The following RABGEF1 variants were observed in gnomAD, a reference collection of about 807,000 sequenced individuals.
RABGEF1 encodes the protein rab5 GDP/GTP exchange factor.
Under a neutral mutation model 57.3 loss-of-function variants are expected in RABGEF1, and 26 were observed. That is an observed-to-expected ratio of 0.45 (90% CI 0.33 to 0.63). The LOEUF is 0.63. Among genes scored for constraint, RABGEF1 ranks in the 20% least tolerant of loss-of-function variants. The probability of loss-of-function intolerance (pLI) is 0.02; values close to 1 mark genes in which losing one functional copy is unlikely to be tolerated. For missense variants in RABGEF1, 464 were observed against 607.6 expected, an observed-to-expected ratio of 0.76 and a Z score of 2.48; for synonymous variants, 185 against 210.7, an observed-to-expected ratio of 0.88 and a Z score of 1.06.
intron 1 of RABGEF1, among the ~76,000 whole-genome samples, chr7:66,683,156 T>G (rs927375119): frequency 1.3e-5 from 2 of 152,188 alleles, no homozygotes; most frequent in Admixed American, 6.5e-5. Flanking sequence ...CCTTATTATT[T>G]TTTTCGAGAT....
upstream of RABGEF1, among the ~76,000 whole-genome samples, chr7:66,679,466 G>A (rs1225332719): frequency 2.6e-5 from 4 of 152,054 alleles, no homozygotes; most frequent in Non-Finnish European, 4.4e-5. Context: ...AGGCCACCAC[G>A]CCTGGCTAAT....
At chr7:66,786,620 T>G (rs1337492979) in intron 4 of RABGEF1, among the ~76,000 whole-genome samples, 1 of 152,156 alleles carries the variant, frequency 6.6e-6, no homozygotes, top group Admixed American at 6.5e-5. Flanking sequence ...CCCAGGCTGG[T>G]CTTGAATTCC....
At chr7:66,734,453 ATTTGTATT>A (rs780469171) in intron 2 of RABGEF1, among the ~76,000 whole-genome samples, 7 of 151,840 alleles carry the variant, frequency 4.6e-5, no homozygotes, top group Non-Finnish European at 1.0e-4. Flanking sequence ...GTAAGCAATG[ATTTGTATT>A]TTTGTATTTT....
intron 5 of RABGEF1, among the ~76,000 whole-genome samples, chr7:66,795,856 G>A (rs1227230453): frequency 6.6e-6 from 1 of 152,140 alleles, no homozygotes; most frequent in Non-Finnish European, 1.5e-5. Flanking sequence ...AAACATCTTA[G>A]GGCCTGGCTC....
At chr7:66,658,533 C>CAAAAAAA in the RABGEF1 span, among the ~76,000 whole-genome samples, 4 of 75,524 alleles carry the variant, frequency 5.3e-5, no homozygotes, top group Non-Finnish European at 8.1e-5. Context: ...ACTTCGTCTC[C>CAAAAAAA]AAAAAAAAAA....
chr7:66,702,389 GTC>G (rs1554306666), intron 1 of RABGEF1, among the ~76,000 whole-genome samples: 3 of 142,202 alleles, frequency 2.1e-5, no homozygotes, highest in South Asian at 2.2e-4. Context: ...GTGTGTGTGT[GTC>G]AGCTCCTTTA....
chr7:66,773,877 G>C (rs1177527166), intron 2 of RABGEF1: 1 of 415,548 alleles, frequency 2.4e-6, no homozygotes, highest in Non-Finnish European at 4.8e-6. Flanking sequence ...TGTTGCCCAG[G>C]CTGGTCTCAA....
chr7:66,809,049 T>C lies in RABGEF1; in HGVS notation c.1241T>C (p.Leu414Ser), dbSNP rs1485143854. The change falls in exon 9 of 9, where the codon TTG becomes TCG. Residue 414 changes from leucine to serine, a missense_variant. Physicochemically the swap from Leu to Ser is moderately radical, Grantham distance 145. Coordinates refer to ENST00000284957, the MANE Select transcript of RABGEF1 (RefSeq NM_014504.3). ...GGCGTCAAGCAAATGTATAAGAACT[T>C]GGATCTCTTGTCTCAGTTGAATGAA... ...CLGVKQMYKNLDLLSQLNERQ... is the reference protein window; with the variant it reads ...CLGVKQMYKNSDLLSQLNERQ... The C allele has an allele frequency of 6.2e-7, 1 of 1,614,056 alleles. No individual in the cohort carries two copies. Among genetic ancestry groups the C allele is most frequent in the Non-Finnish European group, 8.5e-7 (1 of 1,180,046 alleles).
chr7:66,694,845 G>A lies in RABGEF1; in HGVS notation c.-873+12587G>A, dbSNP rs568324283. Among the ~76,000 whole-genome samples, 9 of 152,302 alleles carry A rather than the reference G, an allele frequency of 5.9e-5. No individual in the cohort carries two copies. In the East Asian group the frequency reaches 7.7e-4, roughly 13 times the overall value. On this transcript the variant is annotated intron_variant and NMD_transcript_variant, in intron 1 of 9. Transcript: ENST00000607882. ...CCCTTCTCTCAATGAGGGGAACAAC[G>A]GGGCTGGGGGATCAGTTAGCCCTGG...
At chr7:66,736,492 A>C (rs1339415444), upstream of RABGEF1, among the ~76,000 whole-genome samples, 1 of 152,186 alleles carries the variant, frequency 6.6e-6, no homozygotes, top group African/African-American at 2.4e-5. Flanking sequence ...AAGAGCACTA[A>C]GACAGTAAAT....
chr7:66,748,846 T>C, intron 1 of RABGEF1: 1 of 210,804 alleles, frequency 4.7e-6, no homozygotes, highest in Non-Finnish European at 1.1e-5. Flanking sequence ...TAGACCAATC[T>C]GTTTGCAAGT....
intron 5 of RABGEF1, 65 bp downstream of exon 5, chr7:66,795,657 A>G: frequency 7.1e-7 from 1 of 1,417,494 alleles, no homozygotes; most frequent in South Asian, 1.2e-5. Context: ...GTCTCTTAGC[A>G]ATTTCTTTCT....
At chr7:66,767,265 AGTGCTGGGATTATAGGT>A (rs1481598669) in intron 1 of RABGEF1, among the ~76,000 whole-genome samples, 1 of 151,238 alleles carries the variant, frequency 6.6e-6, no homozygotes, top group African/African-American at 2.4e-5. Context: ...AGCCTCCCAA[AGTGCTGGGATTATAGGT>A]GTGAGCCACT....
intron 3 of RABGEF1, among the ~76,000 whole-genome samples, chr7:66,776,482 C>T (rs1808578363): frequency 6.6e-6 from 1 of 152,148 alleles, no homozygotes; most frequent in Non-Finnish European, 1.5e-5. Context: ...TACCTGAGCT[C>T]AGGAGTTTGA....
intron 4 of RABGEF1, among the ~76,000 whole-genome samples, chr7:66,786,079 C>G (rs1186758791): frequency 1.2e-4 from 18 of 152,144 alleles, no homozygotes; most frequent in Admixed American, 1.2e-3. Context: ...CAGTATTATT[C>G]TTTCTAAAAT....
At position 66,771,941 on chromosome 7, in the gene RABGEF1, A is replaced by T; in HGVS notation, c.42A>T (p.Gln14His). 1 of 1,580,890 alleles carries T rather than the reference A, an allele frequency of 6.3e-7. No individual in the cohort carries two copies. Residue 14 changes from glutamine to histidine, a missense_variant, in exon 2 of 9, where the codon CAA (glutamine) becomes CAT (histidine). By Grantham distance (24) the Gln-to-His change is conservative. Transcript: ENST00000284957. ...AACGCCGAGGAATTCATGTGGATCA[A>T]TCGGATCTCCTGTGCAAGAAAGGAT... Reference protein sequence around the residue: ...KSERRGIHVDQSDLLCKKGCG... With the variant: ...KSERRGIHVDHSDLLCKKGCG...
At chr7:66,687,048 C>T (rs2117074826) in intron 1 of RABGEF1, among the ~76,000 whole-genome samples, 1 of 150,332 alleles carries the variant, frequency 6.7e-6, no homozygotes, top group East Asian at 2.0e-4. Context: ...GTCTCGATCT[C>T]CTGACCTCGT....
At position 66,809,029 on chromosome 7, in the gene RABGEF1, C is replaced by G. The variant is rs376082183; in HGVS notation, c.1221C>G (p.Val407=). The G allele has an allele frequency of 6.2e-7, 1 of 1,614,078 alleles. No individual in the cohort carries two copies. The highest frequency in any genetic ancestry group is 8.5e-7 in the Non-Finnish European group (1 of 1,180,012). The change falls in exon 9 of 9, where the codon GTC becomes GTG. Residue 407 remains valine (V), a synonymous_variant. Coordinates refer to ENST00000284957, the MANE Select transcript of RABGEF1 (RefSeq NM_014504.3). ...ESWSPDACLG[V]KQMYKNLDLL... Reference sequence around the variant, plus strand: ...GGTCTCCTGATGCTTGCTTAGGCGTCAAGCAAATGTATAAGAACTTGGATC... The same window carrying G: ...GGTCTCCTGATGCTTGCTTAGGCGTGAAGCAAATGTATAAGAACTTGGATC...
At chr7:66,681,816 C>G (rs1257030342), upstream of RABGEF1, among the ~76,000 whole-genome samples, 1 of 152,206 alleles carries the variant, frequency 6.6e-6, no homozygotes, top group Admixed American at 6.5e-5. Context: ...GCGCTTCCAC[C>G]GTGGCCTCGG....
Sources: allele counts gnomAD v4.1 joint callset (sites outside exome capture counted in the v4.1 genomes callset), GRCh38; gene constraint gnomAD v4.1.1; transcripts MANE v1.5; gene names NCBI Gene and HGNC (gene_info 2026-07-23, HGNC 2026-07-21).